RNF6: variants seen among roughly 807,000 people sequenced by gnomAD.
RNF6 encodes ring finger protein 6.
RNF6 carries 21 observed loss-of-function variants against 50.1 expected under a neutral mutation model. The observed-to-expected ratio is 0.42, with a 90% CI of 0.30 to 0.60. The LOEUF is 0.60. Among genes scored for constraint, RNF6 ranks in the 20% least tolerant of loss-of-function variants. RNF6 has a pLI of 0.20. For missense variants in RNF6, 698 were observed against 838.2 expected, an observed-to-expected ratio of 0.83 and a Z score of 2.07; for synonymous variants, 255 against 291.8, an observed-to-expected ratio of 0.87 and a Z score of 1.29.
At chr13:26,161,250 T>C (rs1455392150) in intron 5 of RNF6, among the ~76,000 whole-genome samples, 1 of 152,258 alleles carries the variant, frequency 6.6e-6, no homozygotes, top group Non-Finnish European at 1.5e-5. Context: ...TGTTCTGATA[T>C]CTGGATTAGC....
intron 5 of RNF6, among the ~76,000 whole-genome samples, chr13:26,136,394 A>G (rs934406445): frequency 3.3e-5 from 5 of 152,228 alleles, no homozygotes; most frequent in African/African-American, 1.2e-4. Flanking sequence ...GAATGAGAGT[A>G]CATCTTCCAG....
At chr13:26,218,724 T>A (rs1870158995) in intron 3 of RNF6, 118 bp from the exon 4 acceptor site, 1 of 700,562 alleles carries the variant, frequency 1.4e-6, no homozygotes, top group Admixed American at 2.5e-5. Flanking sequence ...TACTTTCATA[T>A]GTTCTGTAAA....
intron 5 of RNF6, among the ~76,000 whole-genome samples, chr13:26,195,197 G>A (rs937762662): frequency 6.6e-6 from 1 of 152,162 alleles, no homozygotes; most frequent in Non-Finnish European, 1.5e-5. Flanking sequence ...TGTAAGCAGG[G>A]ATGGAAATCC....
chr13:26,194,728 A>G (rs1868590436), intron 5 of RNF6, among the ~76,000 whole-genome samples: 1 of 152,204 alleles, frequency 6.6e-6, no homozygotes, highest in Non-Finnish European at 1.5e-5. Context: ...AGGAGCAAGG[A>G]GAGCCAGTCC....
intron 5 of RNF6, among the ~76,000 whole-genome samples, chr13:26,191,748 G>A (rs1868467838): frequency 6.6e-6 from 1 of 152,170 alleles, no homozygotes; most frequent in African/African-American, 2.4e-5. Flanking sequence ...AAATCACTCA[G>A]TCTCAGGTAG....
chr13:26,169,228 G>T (rs1337887475), intron 5 of RNF6, among the ~76,000 whole-genome samples: 1 of 152,122 alleles, frequency 6.6e-6, no homozygotes, highest in African/African-American at 2.4e-5. Context: ...CAGACTCTAG[G>T]TGGGCATCCA....
intron 5 of RNF6, among the ~76,000 whole-genome samples, chr13:26,167,885 A>G (rs926868708): frequency 6.6e-6 from 1 of 152,206 alleles, no homozygotes; most frequent in Non-Finnish European, 1.5e-5. Context: ...ATAAGATCAT[A>G]TCCTTTGCAA....
chr13:26,182,519 C>G (rs995236008), intron 5 of RNF6, among the ~76,000 whole-genome samples: 6 of 152,132 alleles, frequency 3.9e-5, no homozygotes, highest in African/African-American at 1.4e-4. Context: ...TTGTAATTAA[C>G]AAAGAATCTG....
intron 5 of RNF6, among the ~76,000 whole-genome samples, chr13:26,185,480 C>CT (rs1420424320): frequency 6.6e-6 from 1 of 152,138 alleles, no homozygotes; most frequent in Non-Finnish European, 1.5e-5. Flanking sequence ...GGCACAGTGG[C>CT]TCACGCCTGT....
At chr13:26,210,581 T>C (rs1462745843), downstream of RNF6, among the ~76,000 whole-genome samples, 1 of 152,198 alleles carries the variant, frequency 6.6e-6, no homozygotes. Context: ...AGACATATGA[T>C]AGAACAAAGT....
chr13:26,200,927 T>C (rs9581585), intron 5 of RNF6, among the ~76,000 whole-genome samples: 3,793 of 152,290 alleles, frequency 0.025, 57 homozygotes, highest in Middle Eastern at 0.071. Flanking sequence ...AATCATGTTA[T>C]TTTTCAAAAA....
intron 5 of RNF6, among the ~76,000 whole-genome samples, chr13:26,136,437 T>G (rs1461961036): frequency 6.6e-6 from 1 of 152,230 alleles, no homozygotes; most frequent in Non-Finnish European, 1.5e-5. Flanking sequence ...AAAACTACAC[T>G]TGAGGCTTCT....
At chr13:26,140,838 T>C (rs1028055220) in intron 5 of RNF6, among the ~76,000 whole-genome samples, 1 of 152,118 alleles carries the variant, frequency 6.6e-6, no homozygotes, top group African/African-American at 2.4e-5. Flanking sequence ...AGAACAATAA[T>C]GTTCAAACTG....
intron 5 of RNF6, among the ~76,000 whole-genome samples, chr13:26,182,954 G>T (rs1315905862): frequency 6.6e-6 from 1 of 152,226 alleles, no homozygotes; most frequent in Non-Finnish European, 1.5e-5. Flanking sequence ...TAGCATGCGG[G>T]CTTTGAGGTA....
intron 5 of RNF6, among the ~76,000 whole-genome samples, chr13:26,143,200 G>A (rs144538361): frequency 6.6e-6 from 1 of 152,248 alleles, no homozygotes; most frequent in East Asian, 1.9e-4. Context: ...CTGAATTAGG[G>A]TTTTGTACTT....
chr13:26,214,506 G>A lies in RNF6; in HGVS notation c.1376C>T (p.Thr459Ile), dbSNP rs1566438970. The change falls in exon 5 of 5, where the codon ACC becomes ATC. Residue 459 changes from threonine to isoleucine, a missense_variant. Thr to Ile is a moderately conservative substitution (Grantham distance 89, BLOSUM62 -1). Coordinates refer to ENST00000381588, the MANE Select transcript of RNF6 (RefSeq NM_005977.4). ...AATCCTACGAAGAGGAACTGTTATG[G>A]TACTAACATAGGTTCGAATACCTGA... is the stretch of plus-strand genomic sequence containing the variant. ...ERSGIRTYVS[T>I]ITVPLRRISE... 2 of 1,614,150 alleles carry A rather than the reference G, an allele frequency of 1.2e-6. No individual in the cohort carries two copies. The highest frequency in any genetic ancestry group is 2.2e-5 in the East Asian group (1 of 44,886).
At chr13:26,132,542 T>C in intron 5 of RNF6, 1 of 410,142 alleles carries the variant, frequency 2.4e-6, no homozygotes, top group Admixed American at 2.8e-5. Context: ...AATAAAAGAT[T>C]ATGATAGTAT....
At chr13:26,158,422 C>G (rs145021734) in intron 5 of RNF6, among the ~76,000 whole-genome samples, 1,896 of 152,042 alleles carry the variant, frequency 0.012, 35 homozygotes, top group African/African-American at 0.044. Context: ...CAGGAATTTA[C>G]CATAACAAGA....
At chr13:26,188,072 A>C (rs892315843) in intron 5 of RNF6, among the ~76,000 whole-genome samples, 1 of 152,230 alleles carries the variant, frequency 6.6e-6, no homozygotes, top group African/African-American at 2.4e-5. Flanking sequence ...CTTCAGCCCT[A>C]ATAGTCTAGG....
Sources: gnomAD v4.1 joint callset for allele counts (sites outside exome capture counted in the v4.1 genomes callset) on GRCh38, gnomAD v4.1.1 for gene constraint, MANE v1.5 for transcripts, NCBI Gene and HGNC (gene_info 2026-07-23, HGNC 2026-07-21) for gene names.